The following CWC27 variants were observed in gnomAD, a reference collection of about 807,000 sequenced individuals.
CWC27 encodes CWC27 spliceosome associated cyclophilin, also known as spliceosome-associated protein CWC27 homolog.
In CWC27, 47 loss-of-function variants were observed where a neutral mutation model predicts 63.6. That is an observed-to-expected ratio of 0.74 (90% CI 0.58 to 0.94). The LOEUF (loss-of-function observed/expected upper bound fraction) is 0.94, where lower values mean the gene tolerates loss of function less well. CWC27 is among the 40% of genes least tolerant of loss of function. The pLI is 0.00. For missense variants in CWC27, 495 were observed against 554.3 expected, an observed-to-expected ratio of 0.89 and a Z score of 1.07; for synonymous variants, 175 against 179.8, an observed-to-expected ratio of 0.97 and a Z score of 0.22.
intron 11 of CWC27, among the ~76,000 whole-genome samples, chr5:64,946,567 C>T (rs536947652): frequency 3.3e-5 from 5 of 152,086 alleles, no homozygotes; most frequent in Non-Finnish European, 5.9e-5. Context: ...TGGCTACCTT[C>T]ATGTTCTAAA....
At chr5:64,858,092 C>T (rs1177405520) in intron 10 of CWC27, among the ~76,000 whole-genome samples, 4 of 113,700 alleles carry the variant, frequency 3.5e-5, no homozygotes, top group Admixed American at 3.4e-4. Flanking sequence ...GAGCCGAGAT[C>T]GCGCCACTGC....
At chr5:64,924,264 G>A (rs1748060182) in intron 11 of CWC27, among the ~76,000 whole-genome samples, 1 of 152,004 alleles carries the variant, frequency 6.6e-6, no homozygotes, top group Non-Finnish European at 1.5e-5. Flanking sequence ...CTACCTCATG[G>A]GTTGCTATCA....
At chr5:64,836,354 G>T (rs954632522) in intron 10 of CWC27, among the ~76,000 whole-genome samples, 1 of 151,858 alleles carries the variant, frequency 6.6e-6, no homozygotes, top group South Asian at 2.1e-4. Flanking sequence ...AGCACTGATT[G>T]CCTGTTACTT....
intron 10 of CWC27, among the ~76,000 whole-genome samples, chr5:64,844,637 C>T (rs780628498): frequency 3.3e-5 from 5 of 152,310 alleles, no homozygotes; most frequent in Admixed American, 2.6e-4. Context: ...AGACTCTCCA[C>T]CTTTATGAAT....
At chr5:64,792,275 C>T (rs907580467) in intron 7 of CWC27, among the ~76,000 whole-genome samples, 3 of 152,024 alleles carry the variant, frequency 2.0e-5, no homozygotes, top group Non-Finnish European at 4.4e-5. Context: ...TTAGAATTTC[C>T]AAGCGAGGGG....
At chr5:64,933,930 A>C (rs1256629151) in intron 11 of CWC27, among the ~76,000 whole-genome samples, 1 of 152,228 alleles carries the variant, frequency 6.6e-6, no homozygotes, top group East Asian at 1.9e-4. Context: ...AGTAATTTAC[A>C]AAGTCCAAAT....
intron 5 of CWC27, among the ~76,000 whole-genome samples, chr5:64,786,295 G>A (rs1743882661): frequency 6.7e-6 from 1 of 149,848 alleles, no homozygotes; most frequent in Non-Finnish European, 1.5e-5. Flanking sequence ...TTTCCCTTTT[G>A]TAAAATGGGG....
intron 11 of CWC27, among the ~76,000 whole-genome samples, chr5:64,922,740 G>T (rs544372889): frequency 6.6e-6 from 1 of 152,190 alleles, no homozygotes; most frequent in Non-Finnish European, 1.5e-5. Flanking sequence ...TTTCTCATCT[G>T]TGGGGGCTGA....
At chr5:64,862,221 A>G (rs1281201074) in intron 10 of CWC27, among the ~76,000 whole-genome samples, 1 of 152,158 alleles carries the variant, frequency 6.6e-6, no homozygotes, top group African/African-American at 2.4e-5. Flanking sequence ...TGACAATGTA[A>G]CTACTAGGAA....
chr5:64,959,878 C>T lies in CWC27; in HGVS notation c.1043-11825C>T, dbSNP rs181818436. 8.3e-4 allele frequency among the ~76,000 whole-genome samples: 127 copies of T among 152,250 alleles called. 2 individuals are homozygous for T. Among genetic ancestry groups the T allele is most frequent in the African/African-American group, 2.9e-3 (122 of 41,546 alleles). ...GCATATGCTAGGCCACAGTTCTTGCCATGTGAGTTTACAGCCTGGAGGGCA... is the reference window on the plus strand; with the variant it reads ...GCATATGCTAGGCCACAGTTCTTGCTATGTGAGTTTACAGCCTGGAGGGCA... On this transcript the variant is annotated intron_variant, in intron 11 of 13. Coordinates refer to ENST00000381070, the MANE Select transcript of CWC27 (RefSeq NM_005869.4).
chr5:64,853,307 G>A lies in CWC27; in HGVS notation c.939-32136G>A, dbSNP rs142429040. Among the ~76,000 whole-genome samples, 17 of 152,232 alleles carry A rather than the reference G, an allele frequency of 1.1e-4. No individual in the cohort carries two copies. The East Asian group carries it at 3.3e-3, about 29-fold the overall frequency. On this transcript the variant is annotated intron_variant, in intron 10 of 13. Coordinates refer to ENST00000381070, the MANE Select transcript of CWC27 (RefSeq NM_005869.4). Reference sequence around the variant, plus strand: ...CATGAACCTCTGTTTCTGCCTGAGGGAGCATTGCAAAACTTCTCGACCCTA... The same window carrying A: ...CATGAACCTCTGTTTCTGCCTGAGGAAGCATTGCAAAACTTCTCGACCCTA...
At chr5:64,845,805 C>T (rs1745963184) in intron 10 of CWC27, among the ~76,000 whole-genome samples, 1 of 152,136 alleles carries the variant, frequency 6.6e-6, no homozygotes, top group African/African-American at 2.4e-5. Context: ...AAAAGGGTCA[C>T]AAAGCCTATT....
intron 11 of CWC27, among the ~76,000 whole-genome samples, chr5:64,940,842 CTTTTTTTTT>C (rs70983655): frequency 3.2e-4 from 21 of 64,968 alleles, no homozygotes; most frequent in African/African-American, 1.1e-3. Flanking sequence ...TTCTTTCTTT[CTTTTTTTTT>C]TTTTTTTTTT....
At chr5:64,999,837 C>T (rs1175798948) in intron 13 of CWC27, among the ~76,000 whole-genome samples, 1 of 151,976 alleles carries the variant, frequency 6.6e-6, no homozygotes, top group Non-Finnish European at 1.5e-5. Context: ...GATTTCTTTC[C>T]TTTGGATAGA....
At position 64,927,915 on chromosome 5, in the gene CWC27, G is replaced by A. The variant is rs141286429; in HGVS notation, c.1042+42369G>A. Among the ~76,000 whole-genome samples, 1,423 of 152,268 alleles carry A rather than the reference G, an allele frequency of 9.3e-3. 29 individuals carry two copies. Among genetic ancestry groups the A allele is most frequent in the African/African-American group, 0.033 (1,373 of 41,552 alleles). On this transcript the variant is annotated intron_variant, in intron 11 of 13. Transcript: ENST00000381070. Reference sequence around the variant, plus strand: ...CATGCCTGTAATCCCAGCACTTTGGGAGGCGGAGGCAGGTGGATCACCTGA... The same window carrying A: ...CATGCCTGTAATCCCAGCACTTTGGAAGGCGGAGGCAGGTGGATCACCTGA...
intron 11 of CWC27, among the ~76,000 whole-genome samples, chr5:64,908,130 A>C (rs1747701291): frequency 1.3e-5 from 2 of 152,056 alleles, no homozygotes; most frequent in Non-Finnish European, 2.9e-5. Flanking sequence ...TTCTGCCTTC[A>C]TTTCGTTATT....
chr5:64,942,438 TAAAAAAAAAAAAA>T (rs35936421), intron 11 of CWC27, among the ~76,000 whole-genome samples: 1 of 96,552 alleles, frequency 1.0e-5, no homozygotes, highest in Non-Finnish European at 2.0e-5. Flanking sequence ...CCTATCTCTT[TAAAAAAAAAAAAA>T]AAAAAAAAAG....
intron 13 of CWC27, among the ~76,000 whole-genome samples, chr5:65,014,233 A>G (rs1750013029): frequency 6.8e-6 from 1 of 148,114 alleles, no homozygotes; most frequent in Non-Finnish European, 1.5e-5. Context: ...TACAATATAT[A>G]ATAGATTACA....
At chr5:64,948,967 T>A (rs1220312985) in intron 11 of CWC27, among the ~76,000 whole-genome samples, 1 of 152,024 alleles carries the variant, frequency 6.6e-6, no homozygotes, top group Non-Finnish European at 1.5e-5. Flanking sequence ...ATAATTTTGA[T>A]GAAATAGGAT....
Sources: gnomAD v4.1 joint callset for allele counts (sites outside exome capture counted in the v4.1 genomes callset) on GRCh38, gnomAD v4.1.1 for gene constraint, MANE v1.5 for transcripts, NCBI Gene and HGNC (gene_info 2026-07-23, HGNC 2026-07-21) for gene names.